Variants in IGSF11 observed in about 807,000 individuals in gnomAD.
The protein encoded by IGSF11 is immunoglobulin superfamily member 11, also known as CXADR like 1.
In IGSF11, 22 loss-of-function variants were observed where a neutral mutation model predicts 41.0. That is an observed-to-expected ratio of 0.54 (90% confidence interval 0.38 to 0.77). IGSF11 has a LOEUF of 0.77. IGSF11 is among the 30% of genes least tolerant of loss of function. The probability of loss-of-function intolerance (pLI) is 0.00; values close to 1 mark genes in which losing one functional copy is unlikely to be tolerated. For synonymous variants in IGSF11, 219 were observed against 201.3 expected (o/e 1.09, Z -0.74); for missense variants, 444 against 530.8 (o/e 0.84, Z 1.61).
chr3:118,958,307 A>G (rs530085537), intron 1 of IGSF11, among the ~76,000 whole-genome samples: 10 of 152,364 alleles, frequency 6.6e-5, no homozygotes. Context: ...AAATGTTGGC[A>G]ATAAACTAGA....
chr3:119,082,110 A>G (rs2076595159), intron 1 of IGSF11, among the ~76,000 whole-genome samples: 1 of 152,192 alleles, frequency 6.6e-6, no homozygotes, highest in Admixed American at 6.5e-5. Context: ...AAATCTGACT[A>G]TGTAAACTCC....
At chr3:119,049,664 G>A (rs1036994899) in intron 1 of IGSF11, among the ~76,000 whole-genome samples, 4 of 152,064 alleles carry the variant, frequency 2.6e-5, no homozygotes, top group Non-Finnish European at 5.9e-5. Context: ...AGTTCATATG[G>A]AACCTAAAAA....
chr3:118,903,792 T>G (rs147312018), intron 6 of IGSF11, among the ~76,000 whole-genome samples: 56 of 152,292 alleles, frequency 3.7e-4, no homozygotes, highest in Non-Finnish European at 7.1e-4. Flanking sequence ...AGTGCAAGAA[T>G]GTTTACGAGT....
intron 1 of IGSF11, among the ~76,000 whole-genome samples, chr3:119,025,803 A>G (rs1022981784): frequency 1.3e-5 from 2 of 152,148 alleles, no homozygotes; most frequent in African/African-American, 4.8e-5. Context: ...ATCTATACAA[A>G]TGTATAGGGT....
chr3:119,051,375 A>C (rs1315380078), intron 1 of IGSF11, among the ~76,000 whole-genome samples: 1 of 151,822 alleles, frequency 6.6e-6, no homozygotes, highest in African/African-American at 2.4e-5. Flanking sequence ...GTTAAAAAAA[A>C]TAAAGAGGGG....
At chr3:118,922,916 A>C (rs996136623) in intron 4 of IGSF11, among the ~76,000 whole-genome samples, 1 of 152,098 alleles carries the variant, frequency 6.6e-6, no homozygotes, top group East Asian at 1.9e-4. Context: ...AAGAATAACT[A>C]TAGAACATGC....
intron 1 of IGSF11, among the ~76,000 whole-genome samples, chr3:119,010,142 T>C (rs1046264715): frequency 7.9e-5 from 12 of 152,160 alleles, no homozygotes; most frequent in Non-Finnish European, 1.3e-4. Flanking sequence ...GTCAATTTGT[T>C]TTCCTTTCCG....
At chr3:119,091,224 G>C (rs2107494188) in intron 1 of IGSF11, among the ~76,000 whole-genome samples, 1 of 152,286 alleles carries the variant, frequency 6.6e-6, no homozygotes, top group East Asian at 1.9e-4. Context: ...CTAGGCTGAA[G>C]AGAGAAGGGA....
intron 1 of IGSF11, among the ~76,000 whole-genome samples, chr3:119,058,037 C>G (rs1679491916): frequency 6.6e-6 from 1 of 152,194 alleles, no homozygotes; most frequent in Non-Finnish European, 1.5e-5. Flanking sequence ...AAAACCTAGG[C>G]AATACCTTTC....
chr3:119,069,231 A>C (rs1372686723), intron 1 of IGSF11, among the ~76,000 whole-genome samples: 2 of 152,144 alleles, frequency 1.3e-5, no homozygotes, highest in East Asian at 1.9e-4. Flanking sequence ...CCTGGCCAAC[A>C]ATGGTTATTT....
intron 1 of IGSF11, among the ~76,000 whole-genome samples, chr3:119,007,721 C>T (rs1052377541): frequency 1.3e-5 from 2 of 152,162 alleles, no homozygotes; most frequent in Non-Finnish European, 2.9e-5. Context: ...TTTGCTCAAT[C>T]ATCCTACAAC....
At chr3:119,084,960 G>A (rs1001459726) in intron 1 of IGSF11, among the ~76,000 whole-genome samples, 19 of 152,260 alleles carry the variant, frequency 1.2e-4, no homozygotes, top group African/African-American at 4.6e-4. Context: ...AGGTTCACAG[G>A]CTGGTGTGGA....
intron 4 of IGSF11, among the ~76,000 whole-genome samples, chr3:118,924,343 A>G (rs1942100035): frequency 6.6e-6 from 1 of 152,078 alleles, no homozygotes; most frequent in Non-Finnish European, 1.5e-5. Context: ...ATGAGTTTAT[A>G]TTAATAATTT....
At chr3:118,963,120 C>T (rs1000735298) in intron 1 of IGSF11, among the ~76,000 whole-genome samples, 1 of 152,146 alleles carries the variant, frequency 6.6e-6, no homozygotes, top group Non-Finnish European at 1.5e-5. Context: ...GGTCCCTGAA[C>T]CACAGGCATC....
intron 1 of IGSF11, among the ~76,000 whole-genome samples, chr3:119,047,258 T>A (rs933538304): frequency 2.6e-5 from 4 of 151,924 alleles, no homozygotes. Context: ...ACCCATCTCA[T>A]GTGCAGAGAC....
intron 1 of IGSF11, among the ~76,000 whole-genome samples, chr3:119,113,005 G>A (rs962105849): frequency 6.6e-6 from 1 of 152,094 alleles, no homozygotes; most frequent in Non-Finnish European, 1.5e-5. Context: ...CAAAGGGGGA[G>A]GTGCTACACA....
At chr3:119,026,746 G>T (rs1410839447) in intron 1 of IGSF11, among the ~76,000 whole-genome samples, 1 of 152,174 alleles carries the variant, frequency 6.6e-6, no homozygotes, top group Non-Finnish European at 1.5e-5. Flanking sequence ...GAAGCAAAAT[G>T]GTCATCCCAA....
At chr3:118,999,389 C>T (rs9826100) in intron 1 of IGSF11, among the ~76,000 whole-genome samples, 3,515 of 152,164 alleles carry the variant, frequency 0.023, 139 homozygotes, top group African/African-American at 0.081. Flanking sequence ...AAAGAAACTG[C>T]TATAATTATG....
chr3:118,945,851 T>C (rs1210782259), intron 1 of IGSF11: 2 of 152,218 alleles, frequency 1.3e-5, no homozygotes, highest in African/African-American at 4.8e-5. Flanking sequence ...TATTGTCTCC[T>C]TCTGTTCTGT....
Sources: allele counts gnomAD v4.1 joint callset (sites outside exome capture counted in the v4.1 genomes callset), GRCh38; gene constraint gnomAD v4.1.1; transcripts MANE v1.5; gene names NCBI Gene and HGNC (gene_info 2026-07-23, HGNC 2026-07-21).